The following ARAP3 variants were observed in gnomAD, a reference collection of about 807,000 sequenced individuals.
ARAP3 encodes arf-GAP with Rho-GAP domain, ANK repeat and PH domain-containing protein 3.
In ARAP3, 82 loss-of-function variants were observed where a neutral mutation model predicts 169.2. The observed-to-expected ratio is 0.48, with a 90% CI of 0.41 to 0.58. The LOEUF (loss-of-function observed/expected upper bound fraction) is 0.58. Among genes scored for constraint, ARAP3 ranks in the 20% least tolerant of loss-of-function variants. The probability of loss-of-function intolerance (pLI) is 0.00; values close to 1 mark genes in which losing one functional copy is unlikely to be tolerated. For synonymous variants in ARAP3, 791 were observed against 800.3 expected, an observed-to-expected ratio of 0.99 and a Z score of 0.20; for missense variants, 1,764 against 2,018.0, an observed-to-expected ratio of 0.87 and a Z score of 2.41.
In ARAP3 at chr5:141,658,564, C is replaced by A. The variant is rs1312141980; in HGVS notation, c.3411+15G>T. 6.2e-7 allele frequency: 1 copy of A among 1,614,026 alleles called. No homozygotes were observed. Among genetic ancestry groups the A allele is most frequent in the South Asian group, 1.1e-5 (1 of 91,056 alleles). On this transcript the variant is annotated intron_variant, in intron 24 of 32. Transcript: ENST00000239440. ...ACTATCCTCTTATTTCCCCTCCAGT[C>A]CCCTCAGGACCAACCTTCAGGGTGA...
At chr5:141,664,624 A>C (rs1314085240) in intron 19 of ARAP3, among the ~76,000 whole-genome samples, 1 of 152,132 alleles carries the variant, frequency 6.6e-6, no homozygotes, top group Non-Finnish European at 1.5e-5. Flanking sequence ...AAACTTCTGA[A>C]CACTTACTAC....
At chr5:141,675,381 G>A (rs761231154) in intron 4 of ARAP3, among the ~76,000 whole-genome samples, 7 of 151,976 alleles carry the variant, frequency 4.6e-5, no homozygotes, top group Non-Finnish European at 1.0e-4. Context: ...AGAGGGCCCA[G>A]GCACTCATAG....
intron 2 of ARAP3, 48 bp downstream of exon 2, chr5:141,679,915 C>A (rs756183553): frequency 6.2e-7 from 1 of 1,612,716 alleles, no homozygotes; most frequent in Non-Finnish European, 8.5e-7. Flanking sequence ...TCATGCTCTC[C>A]TCCCCACTCC....
chr5:141,659,466 T>A lies in ARAP3; in HGVS notation c.3278A>T (p.Asp1093Val). Reference sequence around the variant, plus strand: ...CTCCAAGTCAATCTGAGCTACCTGGTCAGAATCGATCTGTGAAAGAGCCAA... The same window carrying A: ...CTCCAAGTCAATCTGAGCTACCTGGACAGAATCGATCTGTGAAAGAGCCAA... ...GYISVFDIDSDQVAQIDLEVS... is the reference protein window; with the variant it reads ...GYISVFDIDSVQVAQIDLEVS... The change falls in exon 23 of 33, where the codon GAC (aspartate) becomes GTC (valine). Residue 1093 changes from aspartate to valine, a missense_variant. Coordinates refer to ENST00000239440, the MANE Select transcript of ARAP3 (RefSeq NM_022481.6). 1 of 1,614,116 alleles carries A rather than the reference T, an allele frequency of 6.2e-7. No homozygotes were observed. The highest frequency in any genetic ancestry group is 8.5e-7 in the Non-Finnish European group (1 of 1,180,004).
At position 141,669,815 on chromosome 5, in the gene ARAP3, G is replaced by A. The variant is rs1223606433; in HGVS notation, c.2250-4C>T. On this transcript the variant is annotated splice_region_variant and splice_polypyrimidine_tract_variant and intron_variant, in intron 15 of 32. Transcript: ENST00000239440. ...GAGCTCAAAGGAAAAGGGGAACCTG[G>A]AGAGAAGATGAGGTCAGGGAGGAGG... The A allele has an allele frequency of 1.2e-6, 2 of 1,613,892 alleles. No homozygotes were observed. The highest frequency in any genetic ancestry group is 1.7e-6 in the Non-Finnish European group (2 of 1,179,800).
At chr5:141,658,977 A>G (rs1164734598) in intron 23 of ARAP3, among the ~76,000 whole-genome samples, 1 of 152,136 alleles carries the variant, frequency 6.6e-6, no homozygotes, top group African/African-American at 2.4e-5. Context: ...GAGATTACCT[A>G]CTTCATGGAG....
chr5:141,669,959 G>T lies in ARAP3; in HGVS notation c.2212C>A (p.Leu738Met). Residue 738 changes from leucine to methionine, a missense_variant, in exon 15 of 33, where the codon CTG (leucine) becomes ATG (methionine). Leu to Met is a conservative substitution (Grantham distance 15). This residue lies in a region of ARAP3 where 1,112 missense variants were observed against 1,285.7 expected (regional missense o/e 0.86). Coordinates refer to ENST00000239440, the MANE Select transcript of ARAP3 (RefSeq NM_022481.6). Reference sequence around the variant, plus strand: ...TCAGTGGGTGGGGGGCTCACACCCAGACATACAATATCCTGGGGCTGTATG... The same window carrying T: ...TCAGTGGGTGGGGGGCTCACACCCATACATACAATATCCTGGGGCTGTATG... ...SLIQPQDIVC[L>M]GVSPPPTDPG... 1 of 1,600,696 alleles carries T rather than the reference G, an allele frequency of 6.2e-7. No homozygotes were observed. Among genetic ancestry groups the T allele is most frequent in the East Asian group, 2.2e-5 (1 of 44,740 alleles).
intron 32 of ARAP3, among the ~76,000 whole-genome samples, chr5:141,654,857 A>G (rs1006677737): frequency 6.6e-6 from 1 of 151,614 alleles, no homozygotes; most frequent in Non-Finnish European, 1.5e-5. Flanking sequence ...CTCCTGCCTC[A>G]GCCTCCCAAG....
At chr5:141,675,374 G>A (rs972854828) in intron 4 of ARAP3, among the ~76,000 whole-genome samples, 9 of 152,056 alleles carry the variant, frequency 5.9e-5, no homozygotes, top group African/African-American at 7.2e-5. Flanking sequence ...CTCTGGGAGA[G>A]GGCCCAGGCA....
chr5:141,654,471 G>T, intron 32 of ARAP3, 36 bp from the exon 33 acceptor site: 1 of 1,521,094 alleles, frequency 6.6e-7, no homozygotes, highest in African/African-American at 1.4e-5. Flanking sequence ...TGGGCACATA[G>T]TTAAAGTTAC....
chr5:141,667,377 T>C (rs1413747637), intron 16 of ARAP3, among the ~76,000 whole-genome samples: 1 of 152,028 alleles, frequency 6.6e-6, no homozygotes, highest in Non-Finnish European at 1.5e-5. Context: ...GACCAGGGTT[T>C]TTTCCTTTTT....
At chr5:141,679,056 A>C (rs2099912608) in intron 4 of ARAP3, among the ~76,000 whole-genome samples, 1 of 152,084 alleles carries the variant, frequency 6.6e-6, no homozygotes, top group African/African-American at 2.4e-5. Context: ...TGGGAGGCCA[A>C]GGAGGTAGGA....
At chr5:141,663,201 T>C (rs1324160456) in intron 19 of ARAP3, among the ~76,000 whole-genome samples, 4 of 152,190 alleles carry the variant, frequency 2.6e-5, no homozygotes, top group African/African-American at 7.2e-5. Flanking sequence ...CTTACTGCCA[T>C]ATCCCCAGTG....
intron 1 of ARAP3, 130 bp from the exon 2 acceptor site, chr5:141,680,633 A>G (rs2154599349): frequency 2.9e-6 from 4 of 1,365,668 alleles, no homozygotes; most frequent in South Asian, 3.1e-5. Context: ...AAGGCCTGCG[A>G]TCTGGAAGCA....
chr5:141,671,213 G>C lies in ARAP3; in HGVS notation c.1990+52C>G, dbSNP rs2099911395. On this transcript the variant is annotated intron_variant, in intron 13 of 32. Coordinates refer to ENST00000239440, the MANE Select transcript of ARAP3 (RefSeq NM_022481.6). This position sits in a 1 kb window ranked among gnomAD's most constrained non-coding sequence, Gnocchi z 4.9. ...GCCCCTTGGAAGAACTGAATCATAG[G>C]TTGGGTCTGAGAATTCCTGTAGGGG... is the stretch of plus-strand genomic sequence containing the variant. The C allele has an allele frequency of 6.5e-7, 1 of 1,545,470 alleles. No individual in the cohort carries two copies. Among genetic ancestry groups the C allele is most frequent in the South Asian group, 1.2e-5 (1 of 81,674 alleles).
At chr5:141,673,531 G>A in intron 5 of ARAP3, 61 bp from the exon 6 acceptor site, 1 of 1,613,192 alleles carries the variant, frequency 6.2e-7, no homozygotes, top group South Asian at 1.1e-5. Context: ...GGGATCATAG[G>A]GTCTGGGGGC....
At position 141,653,672 on chromosome 5, in the gene ARAP3, A is replaced by G. The variant is rs570394066; in HGVS notation, c.*278T>C. 1.8e-5 allele frequency: 6 copies of G among 331,046 alleles called. No homozygotes were observed. The East Asian group carries it at 3.0e-4, about 16-fold the overall frequency. The allele number at this position is 331,046 out of a possible 1,614,324, so 20.5% of individuals were successfully genotyped here. ...GCAGGAGCTGCCCTTGTTCAGGGAT[A>G]ATATGTGGGGCTTATGGCTCTAAGA... On this transcript the variant is annotated 3_prime_UTR_variant, in exon 33 of 33. Coordinates refer to ENST00000239440, the MANE Select transcript of ARAP3 (RefSeq NM_022481.6).
chr5:141,661,471 A>C (rs2099909963), intron 21 of ARAP3, among the ~76,000 whole-genome samples: 1 of 152,198 alleles, frequency 6.6e-6, no homozygotes, highest in Non-Finnish European at 1.5e-5. Context: ...CAAGTAACTT[A>C]CCCAAAGTCA....
Position 141,680,555 on chromosome 5 carries a change from C to T in ARAP3, c.-17-52G>A. 4.6e-6 allele frequency: 7 copies of T among 1,510,854 alleles called. No homozygotes were observed. In the South Asian group the frequency reaches 7.7e-5, roughly 17 times the overall value. 93.6% of individuals were successfully genotyped at this position (1,510,854 alleles called of 1,614,324 possible). A position where few individuals can be genotyped will look rare whatever the true frequency, so the allele number is the denominator to read the frequency against. ...GGGCTCAGGCTGAGAATCCCCCTCTCTGCCCCAGAGTCTGAGGCCTGGACA... is the reference window on the plus strand; with the variant it reads ...GGGCTCAGGCTGAGAATCCCCCTCTTTGCCCCAGAGTCTGAGGCCTGGACA... On this transcript the variant is annotated intron_variant, in intron 1 of 32. Transcript: ENST00000239440.
Sources: gnomAD v4.1 joint callset for allele counts (sites outside exome capture counted in the v4.1 genomes callset) on GRCh38, gnomAD v4.1.1 for gene constraint, gnomAD v4.1.1 regional missense constraint, Gnocchi (gnomAD v3.1) non-coding constraint, MANE v1.5 for transcripts, NCBI Gene and HGNC (gene_info 2026-07-23, HGNC 2026-07-21) for gene names.